Variants in CRACD observed in about 807,000 individuals in gnomAD.
The protein encoded by CRACD is capping protein inhibiting regulator of actin dynamics.
CRACD carries 56 observed loss-of-function variants against 106.8 expected under a neutral mutation model. The observed-to-expected ratio is 0.52, with a 90% CI of 0.42 to 0.66. The LOEUF (loss-of-function observed/expected upper bound fraction) is 0.66. CRACD is among the 30% of genes least tolerant of loss of function. The pLI is 0.00. For synonymous variants in CRACD, 754 were observed against 670.8 expected (o/e 1.12, Z -1.92); for missense variants, 1,730 against 1,623.2 (o/e 1.07, Z -1.13).
At chr4:56,215,316 T>G (rs943346147) in intron 2 of CRACD, among the ~76,000 whole-genome samples, 48 of 152,234 alleles carry the variant, frequency 3.2e-4, no homozygotes, top group African/African-American at 1.1e-3. Context: ...TCACTGTGCC[T>G]GGCTCATATG....
At chr4:56,325,258 C>T (rs1037717020) in intron 10 of CRACD, among the ~76,000 whole-genome samples, 1 of 152,152 alleles carries the variant, frequency 6.6e-6, no homozygotes, top group African/African-American at 2.4e-5. Flanking sequence ...TTGCTTGAGC[C>T]CAGGAAGTGG....
At chr4:56,107,073 C>T (rs1013673205) in intron 1 of CRACD, among the ~76,000 whole-genome samples, 12 of 152,136 alleles carry the variant, frequency 7.9e-5, no homozygotes, top group Non-Finnish European at 1.6e-4. Context: ...TTGACCCAAG[C>T]GATCCTCCCC....
rs1344618317 is a variant in CRACD, at chr4:56,314,686, G to A, written c.1184G>A (p.Gly395Asp). 3.9e-6 allele frequency: 6 copies of A among 1,552,944 alleles called. No homozygotes were observed. The highest frequency in any genetic ancestry group is 1.4e-5 in the African/African-American group (1 of 73,400). Reference protein sequence around the residue: ...ALEETGEGRRGAEEEDLGEEE... With the variant: ...ALEETGEGRRDAEEEDLGEEE... ...GAGGAGACTGGGGAGGGCCGGCGGG[G>A]CGCGGAGGAGGAGGATCTGGGGGAA... The change falls in exon 8 of 11, where the codon GGC becomes GAC. Residue 395 changes from glycine (G) to aspartate (D), a missense_variant. Gly to Asp is a moderately conservative substitution (Grantham distance 94). Around this residue, in one of 5 missense-constraint regions of CRACD, gnomAD observed 1,620 missense variants for 1,481.6 expected, o/e 1.09. Transcript: ENST00000682029. The surrounding 1 kb of genome is among the most constrained non-coding windows in gnomAD (Gnocchi z 4.4).
chr4:56,307,088 C>A (rs375440307), intron 4 of CRACD, among the ~76,000 whole-genome samples: 1 of 152,164 alleles, frequency 6.6e-6, no homozygotes, highest in African/African-American at 2.4e-5. Context: ...GTTGCACCAA[C>A]CTTTAGGGTC....
chr4:56,268,466 T>C (rs945813233), intron 2 of CRACD, among the ~76,000 whole-genome samples: 20 of 152,012 alleles, frequency 1.3e-4, no homozygotes, highest in African/African-American at 4.8e-4. Context: ...AAAGCAACTG[T>C]AAAAAAAATT....
intron 1 of CRACD, among the ~76,000 whole-genome samples, chr4:56,173,415 G>A (rs1360522725): frequency 6.6e-6 from 1 of 152,208 alleles, no homozygotes; most frequent in Non-Finnish European, 1.5e-5. Flanking sequence ...ATAGAGATGG[G>A]TGTTGAACTC....
chr4:56,132,377 A>G lies in CRACD; in HGVS notation c.-335-46907A>G, dbSNP rs562161820. ...TTCTTTTAAGACAGGGTCTCACTCT[A>G]TTGCCCAGTCTGGAGTGCAGTGGTG... is the stretch of plus-strand genomic sequence containing the variant. On this transcript the variant is annotated intron_variant, in intron 1 of 10. Transcript: ENST00000682029. Among the ~76,000 whole-genome samples, 11 of 151,972 alleles carry G rather than the reference A, an allele frequency of 7.2e-5. No homozygotes were observed. In the South Asian group the frequency reaches 1.0e-3, roughly 14 times the overall value.
chr4:56,117,105 C>T (rs1304485059), intron 1 of CRACD, among the ~76,000 whole-genome samples: 1 of 150,068 alleles, frequency 6.7e-6, no homozygotes, highest in African/African-American at 2.5e-5. Context: ...ACTGCAAGCT[C>T]TGCCTCCTGG....
chr4:56,133,374 G>A (rs145705080), intron 1 of CRACD, among the ~76,000 whole-genome samples: 468 of 152,238 alleles, frequency 3.1e-3, no homozygotes, highest in Non-Finnish European at 5.4e-3. Context: ...TTGTTGTTTT[G>A]ATTGTGGTTA....
intron 3 of CRACD, among the ~76,000 whole-genome samples, chr4:56,276,713 A>G (rs947537257): frequency 1.3e-5 from 2 of 152,196 alleles, no homozygotes; most frequent in African/African-American, 4.8e-5. Flanking sequence ...CTGCAGCCTC[A>G]CTAGGGAGCT....
At chr4:56,139,986 A>T (rs1220855791) in intron 1 of CRACD, among the ~76,000 whole-genome samples, 1 of 152,146 alleles carries the variant, frequency 6.6e-6, no homozygotes, top group Non-Finnish European at 1.5e-5. Flanking sequence ...AGCCTCACAG[A>T]AATTTTGTAT....
rs112183136 is a variant in CRACD, at chr4:56,295,388, T to C, written c.-16-2826T>C. 3.4e-3 allele frequency among the ~76,000 whole-genome samples: 522 copies of C among 152,144 alleles called. 6 individuals are homozygous for C. The highest frequency in any genetic ancestry group is 0.012 in the African/African-American group (497 of 41,558). ...ACCACTGTGACCACCACTATTATAA[T>C]TACTACTACTGCTATTATTACTTTT... On this transcript the variant is annotated intron_variant, in intron 3 of 10. Coordinates refer to ENST00000682029, the MANE Select transcript of CRACD (RefSeq NM_001393381.1).
At chr4:56,240,532 C>A (rs1433277596) in intron 2 of CRACD, among the ~76,000 whole-genome samples, 1 of 152,104 alleles carries the variant, frequency 6.6e-6, no homozygotes, top group Non-Finnish European at 1.5e-5. Flanking sequence ...AAATTCAAGG[C>A]CTCACTTTGT....
At chr4:56,206,070 T>G (rs1186122635) in intron 2 of CRACD, among the ~76,000 whole-genome samples, 1 of 152,022 alleles carries the variant, frequency 6.6e-6, no homozygotes, top group Non-Finnish European at 1.5e-5. Flanking sequence ...GATTTTTATT[T>G]GGAAGCATCC....
At chr4:56,088,132 CTTT>C (rs11305512) in intron 1 of CRACD, among the ~76,000 whole-genome samples, 13 of 131,932 alleles carry the variant, frequency 9.9e-5, no homozygotes, top group African/African-American at 2.3e-4. Context: ...TAGATTGTTT[CTTT>C]TTTTTTTTTT....
chr4:56,237,765 CACAT>C (rs1303596782), intron 2 of CRACD, among the ~76,000 whole-genome samples: 1 of 150,368 alleles, frequency 6.7e-6, no homozygotes, highest in Non-Finnish European at 1.5e-5. Flanking sequence ...CACACACAAA[CACAT>C]ACACATACAC....
At chr4:56,208,828 G>A (rs1206241935) in intron 2 of CRACD, among the ~76,000 whole-genome samples, 1 of 152,104 alleles carries the variant, frequency 6.6e-6, no homozygotes, top group Non-Finnish European at 1.5e-5. Context: ...AGGGTCACAG[G>A]TCATCATAAA....
At chr4:56,261,247 C>T (rs546542641) in intron 2 of CRACD, among the ~76,000 whole-genome samples, 3 of 152,162 alleles carry the variant, frequency 2.0e-5, no homozygotes, top group East Asian at 3.9e-4. Context: ...TGGCGGAAAC[C>T]GGCAGTGGAA....
intron 2 of CRACD, among the ~76,000 whole-genome samples, chr4:56,197,710 A>G (rs537436673): frequency 6.7e-6 from 1 of 149,238 alleles, no homozygotes; most frequent in Non-Finnish European, 1.5e-5. Flanking sequence ...ACGGAGTCTC[A>G]CTCTGTTGCC....
Sources: gnomAD v4.1 joint callset for allele counts (sites outside exome capture counted in the v4.1 genomes callset) on GRCh38, gnomAD v4.1.1 for gene constraint, gnomAD v4.1.1 regional missense constraint, Gnocchi (gnomAD v3.1) non-coding constraint, MANE v1.5 for transcripts, NCBI Gene and HGNC (gene_info 2026-07-23, HGNC 2026-07-21) for gene names.